COL24A1: variants seen among roughly 807,000 people sequenced by gnomAD.
The protein encoded by COL24A1 is collagen alpha-1(XXIV) chain.
In COL24A1, 224 loss-of-function variants were observed where a neutral mutation model predicts 253.9. The observed-to-expected ratio is 0.88, with a 90% confidence interval of 0.79 to 0.99. The LOEUF (loss-of-function observed/expected upper bound fraction) is 0.99, where lower values mean the gene tolerates loss of function less well. COL24A1 is among the 50% of genes least tolerant of loss of function. COL24A1 has a pLI of 0.00. For missense variants in COL24A1, 2,131 were observed against 2,068.5 expected, an observed-to-expected ratio of 1.03 and a Z score of -0.59; for synonymous variants, 685 against 673.7, an observed-to-expected ratio of 1.02 and a Z score of -0.26.
intron 39 of COL24A1, among the ~76,000 whole-genome samples, chr1:85,843,077 A>G (rs1676793780): frequency 6.6e-6 from 1 of 152,184 alleles, no homozygotes; most frequent in Non-Finnish European, 1.5e-5. Context: ...AAGATTCCAT[A>G]TTGACTCTCC....
chr1:85,763,877 T>G, intron 53 of COL24A1, among the ~76,000 whole-genome samples: 1 of 152,206 alleles, frequency 6.6e-6, no homozygotes, highest in East Asian at 1.9e-4. Flanking sequence ...ACACTTCCTA[T>G]GAAAACAAGA....
intron 5 of COL24A1, among the ~76,000 whole-genome samples, chr1:86,110,812 C>T (rs541035481): frequency 1.2e-4 from 18 of 152,052 alleles, no homozygotes; most frequent in Admixed American, 3.9e-4. Flanking sequence ...GCCCACCATG[C>T]CCGACCCCCG....
rs761413546 is a variant in COL24A1, at chr1:85,762,094, C to T, written c.4375-528G>A. ...AAATTAGAAAAGTGAAAAGGTGTATCGCAAAATGTCAAAAGTTATGTTGAC... is the reference window on the plus strand; with the variant it reads ...AAATTAGAAAAGTGAAAAGGTGTATTGCAAAATGTCAAAAGTTATGTTGAC... On this transcript the variant is annotated intron_variant, in intron 53 of 59. Transcript: ENST00000370571. Among the ~76,000 whole-genome samples, 2 of 152,000 alleles carry T rather than the reference C, an allele frequency of 1.3e-5. 1 individual carries two copies. Among genetic ancestry groups the T allele is most frequent in the South Asian group, 4.2e-4 (2 of 4,808 alleles).
intron 28 of COL24A1, among the ~76,000 whole-genome samples, chr1:85,905,335 A>G (rs1266170879): frequency 2.6e-5 from 4 of 152,146 alleles, no homozygotes; most frequent in East Asian, 1.9e-4. Flanking sequence ...GGTCTAGAGT[A>G]TTGGGATTAC....
At chr1:85,933,129 G>A (rs72712747) in intron 24 of COL24A1, among the ~76,000 whole-genome samples, 16,982 of 149,754 alleles carry the variant, frequency 0.11, 862 homozygotes, top group East Asian at 0.22. Context: ...AAGAATGTGT[G>A]TAGGTGAAGA....
chr1:86,013,987 T>C (rs892743862), intron 19 of COL24A1, among the ~76,000 whole-genome samples: 1 of 152,360 alleles, frequency 6.6e-6, no homozygotes. Flanking sequence ...CCCCTTACTC[T>C]TGAGATTTAG....
intron 24 of COL24A1, among the ~76,000 whole-genome samples, chr1:85,945,015 T>TTTTTTTTTTG (rs1689161198): frequency 2.4e-5 from 2 of 83,004 alleles, no homozygotes; most frequent in Admixed American, 1.5e-4. Flanking sequence ...TTTTTTTTTT[T>TTTTTTTTTTG]TTTTTTTTTT....
chr1:85,996,068 T>C (rs1051675678), intron 19 of COL24A1, among the ~76,000 whole-genome samples: 2 of 152,186 alleles, frequency 1.3e-5, no homozygotes, highest in Non-Finnish European at 2.9e-5. Flanking sequence ...TCAAAAGTTA[T>C]CAAATTTTAC....
chr1:85,975,659 T>C (rs1692600566), intron 20 of COL24A1, among the ~76,000 whole-genome samples: 2 of 152,156 alleles, frequency 1.3e-5, no homozygotes, highest in Non-Finnish European at 2.9e-5. Context: ...GAACAGTGTA[T>C]GGAGACTCAC....
At chr1:85,815,926 T>C (rs1673003376) in intron 47 of COL24A1, among the ~76,000 whole-genome samples, 2 of 152,032 alleles carry the variant, frequency 1.3e-5, no homozygotes, top group Non-Finnish European at 2.9e-5. Flanking sequence ...ATTTTTAAAT[T>C]TCTGATCAAA....
chr1:85,884,885 G>C (rs1331781470), intron 32 of COL24A1, among the ~76,000 whole-genome samples: 1 of 152,142 alleles, frequency 6.6e-6, no homozygotes, highest in East Asian at 1.9e-4. Context: ...GCTCTGGGAG[G>C]AAGTAAAACT....
intron 20 of COL24A1, among the ~76,000 whole-genome samples, chr1:85,972,422 A>G (rs1035654980): frequency 7.2e-5 from 11 of 152,208 alleles, no homozygotes; most frequent in Non-Finnish European, 1.3e-4. Flanking sequence ...ATAATATAGT[A>G]TTGTAAGCTT....
At chr1:85,815,251 A>G (rs777887387) in intron 47 of COL24A1, among the ~76,000 whole-genome samples, 4 of 152,200 alleles carry the variant, frequency 2.6e-5, no homozygotes, top group Non-Finnish European at 5.9e-5. Flanking sequence ...TTACTGTTGT[A>G]TTTTTAAAAT....
At chr1:85,915,652 A>G (rs1362511675) in intron 24 of COL24A1, among the ~76,000 whole-genome samples, 2 of 152,094 alleles carry the variant, frequency 1.3e-5, no homozygotes, top group Non-Finnish European at 2.9e-5. Flanking sequence ...TTCGGAAAAA[A>G]TCATTTTTCT....
intron 2 of COL24A1, among the ~76,000 whole-genome samples, chr1:86,132,953 G>T (rs1649517173): frequency 6.6e-6 from 1 of 152,018 alleles, no homozygotes; most frequent in South Asian, 2.1e-4. Context: ...AAATTACCTT[G>T]GGCAGTATGG....
At chr1:85,814,157 C>G (rs1672841160) in intron 47 of COL24A1, among the ~76,000 whole-genome samples, 1 of 152,112 alleles carries the variant, frequency 6.6e-6, no homozygotes, top group Non-Finnish European at 1.5e-5. Context: ...TGTTTAAAAC[C>G]AGTCAGACTT....
chr1:86,146,067 C>G, intron 2 of COL24A1, 52 bp downstream of exon 2: 1 of 1,435,754 alleles, frequency 7.0e-7, no homozygotes, highest in Non-Finnish European at 9.7e-7. Context: ...CTTTTGCTGT[C>G]TGGAAGTAGA....
chr1:85,924,100 C>T (rs188786287), intron 24 of COL24A1, among the ~76,000 whole-genome samples: 106 of 152,252 alleles, frequency 7.0e-4, no homozygotes, highest in African/African-American at 2.1e-3. Context: ...GACACATACA[C>T]CCTCCAAAGA....
Position 86,146,164 on chromosome 1 carries a change from T to C in COL24A1, c.76A>G (p.Ile26Val), listed in dbSNP as rs770311882. ...ACCACCCCAGCCACACATAGTACAA[T>C]AAAATGAAGAAGTGATTTCCTAGGA... ...TAKTKSLLHF[I>V]VLCVAGVVVH... The change falls in exon 2 of 60, where the codon ATT (isoleucine) becomes GTT (valine). Residue 26 changes from isoleucine to valine, a missense_variant. Transcript: ENST00000370571. 1 of 1,610,734 alleles carries C rather than the reference T, an allele frequency of 6.2e-7. No individual in the cohort carries two copies. Among genetic ancestry groups the C allele is most frequent in the Non-Finnish European group, 8.5e-7 (1 of 1,178,514 alleles).
Sources: gnomAD v4.1 joint callset for allele counts (sites outside exome capture counted in the v4.1 genomes callset) on GRCh38, gnomAD v4.1.1 for gene constraint, MANE v1.5 for transcripts, NCBI Gene and HGNC (gene_info 2026-07-23, HGNC 2026-07-21) for gene names.